Variants in COX7B2 observed in about 807,000 individuals in gnomAD.
COX7B2 encodes cytochrome c oxidase subunit 7B2, mitochondrial.
For synonymous variants in COX7B2, 37 were observed against 32.1 expected (o/e 1.15, Z -0.51); for missense variants, 109 against 95.9 (o/e 1.14, Z -0.57).
At chr4:46,776,460 G>A (rs73139354) in intron 2 of COX7B2, among the ~76,000 whole-genome samples, 5,052 of 151,468 alleles carry the variant, frequency 0.033, 211 homozygotes, top group African/African-American at 0.1. Context: ...GCATTAGAAA[G>A]AAAACTCTGA....
chr4:46,889,204 A>G (rs997914126), intron 1 of COX7B2, among the ~76,000 whole-genome samples: 1 of 152,246 alleles, frequency 6.6e-6, no homozygotes, highest in Non-Finnish European at 1.5e-5. Context: ...AACCACCTTT[A>G]TAGATGGTTC....
intron 1 of COX7B2, among the ~76,000 whole-genome samples, chr4:46,848,955 T>C (rs544551866): frequency 3.0e-4 from 46 of 152,208 alleles, no homozygotes; most frequent in African/African-American, 1.1e-3. Flanking sequence ...CATCTTTAGA[T>C]TACCTGTAAT....
At chr4:46,891,236 A>C (rs1719413657) in intron 1 of COX7B2, among the ~76,000 whole-genome samples, 1 of 152,226 alleles carries the variant, frequency 6.6e-6, no homozygotes, top group South Asian at 2.1e-4. Context: ...ATCATATTTA[A>C]GTAGACATTT....
chr4:46,858,176 C>T (rs899693988), intron 1 of COX7B2, among the ~76,000 whole-genome samples: 8 of 152,156 alleles, frequency 5.3e-5, no homozygotes, highest in Non-Finnish European at 1.0e-4. Context: ...TTACTGCAAT[C>T]TCCACCTCCC....
chr4:46,820,999 A>T (rs1361141268), intron 2 of COX7B2, among the ~76,000 whole-genome samples: 1 of 152,104 alleles, frequency 6.6e-6, no homozygotes, highest in Non-Finnish European at 1.5e-5. Context: ...TCTGAATTTT[A>T]ACAATTTTTT....
intron 1 of COX7B2, among the ~76,000 whole-genome samples, chr4:46,877,921 C>T (rs887835500): frequency 6.6e-6 from 1 of 151,974 alleles, no homozygotes; most frequent in Non-Finnish European, 1.5e-5. Flanking sequence ...TTAGAGATAT[C>T]TGTACTCTCA....
chr4:46,766,470 C>T (rs532169205), intron 2 of COX7B2, among the ~76,000 whole-genome samples: 5 of 151,966 alleles, frequency 3.3e-5, no homozygotes, highest in South Asian at 4.2e-4. Flanking sequence ...GAAGCCAAGG[C>T]GGGTGGATCA....
chr4:46,774,536 T>C (rs1227098197), intron 2 of COX7B2, among the ~76,000 whole-genome samples: 2 of 152,134 alleles, frequency 1.3e-5, no homozygotes, highest in Non-Finnish European at 2.9e-5. Flanking sequence ...CTTATCTATA[T>C]ATCATTGGTG....
chr4:46,792,204 T>G (rs1226418830), intron 2 of COX7B2, among the ~76,000 whole-genome samples: 2 of 152,226 alleles, frequency 1.3e-5, no homozygotes. Flanking sequence ...CTAAGAGATG[T>G]TATTGAAAGT....
At chr4:46,814,542 A>G (rs1277735693) in intron 2 of COX7B2, among the ~76,000 whole-genome samples, 1 of 152,232 alleles carries the variant, frequency 6.6e-6, no homozygotes, top group African/African-American at 2.4e-5. Flanking sequence ...GATATAAACT[A>G]AGTCTATAGT....
chr4:46,773,100 C>T (rs187427876), intron 2 of COX7B2, among the ~76,000 whole-genome samples: 90 of 152,146 alleles, frequency 5.9e-4, no homozygotes, highest in African/African-American at 5.1e-4. Context: ...ACATGAAATA[C>T]GATGTCTATT....
chr4:46,812,500 C>T (rs1256785891), intron 2 of COX7B2, among the ~76,000 whole-genome samples: 3 of 152,154 alleles, frequency 2.0e-5, no homozygotes, highest in East Asian at 3.9e-4. Flanking sequence ...GAGGTGGTGA[C>T]TCTGGAACTG....
At chr4:46,787,694 G>C (rs979307974) in intron 2 of COX7B2, among the ~76,000 whole-genome samples, 4 of 152,200 alleles carry the variant, frequency 2.6e-5, no homozygotes, top group Admixed American at 6.5e-5. Flanking sequence ...GTGTCTAGCA[G>C]AGCCTTGATA....
At chr4:46,769,049 A>T (rs1302618445) in intron 2 of COX7B2, among the ~76,000 whole-genome samples, 1 of 152,086 alleles carries the variant, frequency 6.6e-6, no homozygotes, top group Non-Finnish European at 1.5e-5. Context: ...TAACCCTCCC[A>T]ATAAAGAAAA....
At chr4:46,769,138 A>AT (rs900781139) in intron 2 of COX7B2, among the ~76,000 whole-genome samples, 7 of 151,924 alleles carry the variant, frequency 4.6e-5, no homozygotes, top group East Asian at 1.9e-4. Flanking sequence ...TAATAATAAA[A>AT]TTTTTTTAAA....
rs183685311 is a variant in COX7B2 at position 46,791,251 on chromosome 4, C to T, written c.-50+53709G>A. Among the ~76,000 whole-genome samples the T allele has an allele frequency of 1.2e-3, 189 of 152,060 alleles. 1 individual carries two copies. The highest frequency in any genetic ancestry group is 4.3e-3 in the African/African-American group (177 of 41,492). Reference sequence around the variant, plus strand: ...GTCTCCATCTCCTGACCTCGTGATCCTCCCGCCTTGGCCTCCCAAAGTGCT... The same window carrying T: ...GTCTCCATCTCCTGACCTCGTGATCTTCCCGCCTTGGCCTCCCAAAGTGCT... On this transcript the variant is annotated intron_variant, in intron 2 of 2. Transcript: ENST00000355591.
At chr4:46,809,619 G>A (rs1158587096) in intron 2 of COX7B2, among the ~76,000 whole-genome samples, 6 of 151,768 alleles carry the variant, frequency 4.0e-5, no homozygotes, top group African/African-American at 1.5e-4. Flanking sequence ...TACAATTAGT[G>A]TCAGAAATGA....
intron 2 of COX7B2, among the ~76,000 whole-genome samples, chr4:46,794,885 G>T (rs980223645): frequency 1.3e-5 from 2 of 152,178 alleles, no homozygotes; most frequent in Non-Finnish European, 2.9e-5. Flanking sequence ...TCAAGGTCAA[G>T]TGAACAAAAC....
chr4:46,884,824 T>G (rs1295316514), intron 1 of COX7B2, among the ~76,000 whole-genome samples: 1 of 152,190 alleles, frequency 6.6e-6, no homozygotes, highest in Non-Finnish European at 1.5e-5. Context: ...AACTTTCTTT[T>G]GTGATGAAGT....
Sources: allele counts gnomAD v4.1 joint callset (sites outside exome capture counted in the v4.1 genomes callset), GRCh38; gene constraint gnomAD v4.1.1; transcripts MANE v1.5; gene names NCBI Gene and HGNC (gene_info 2026-07-23, HGNC 2026-07-21).